The following DRC10 variants were observed in gnomAD, a reference collection of about 807,000 sequenced individuals.
DRC10 encodes the protein dynein regulatory complex subunit 10.
chr12:113,210,707 C>G, the DRC10 span, among the ~76,000 whole-genome samples: 1 of 150,922 alleles, frequency 6.6e-6, no homozygotes, highest in Non-Finnish European at 1.5e-5. Flanking sequence ...ATCCCCATCC[C>G]TCACCCTGAT....
chr12:113,201,085 G>C, the DRC10 span, among the ~76,000 whole-genome samples: 1 of 152,146 alleles, frequency 6.6e-6, no homozygotes, highest in Non-Finnish European at 1.5e-5. Context: ...ATTGCAGTGA[G>C]CGGAGATATC....
At chr12:113,211,864 A>C in the DRC10 span, among the ~76,000 whole-genome samples, 1 of 151,940 alleles carries the variant, frequency 6.6e-6, no homozygotes, top group Non-Finnish European at 1.5e-5. Context: ...CCAGGAGTTC[A>C]AGATCAGCAT....
chr12:113,205,758 G>A, the DRC10 span, among the ~76,000 whole-genome samples: 128 of 150,794 alleles, frequency 8.5e-4, 1 homozygote, highest in African/African-American at 2.9e-3. Flanking sequence ...GCGCGGTGGC[G>A]GGCGCCTGTA....
the DRC10 span, among the ~76,000 whole-genome samples, chr12:113,202,474 A>AC: frequency 6.6e-6 from 1 of 152,058 alleles, no homozygotes; most frequent in Non-Finnish European, 1.5e-5. Context: ...CAGCCTGGCT[A>AC]CCCCCATGTC....
chr12:113,200,957 G>T, the DRC10 span: 1 of 606,272 alleles, frequency 1.6e-6, no homozygotes, highest in East Asian at 2.8e-5. Flanking sequence ...TGGCTAACAT[G>T]ATGAAATCCC....
At chr12:113,216,118 C>T in the DRC10 span, among the ~76,000 whole-genome samples, 2 of 152,196 alleles carry the variant, frequency 1.3e-5, no homozygotes, top group African/African-American at 2.4e-5. Flanking sequence ...AATTTGGAAG[C>T]AACCAAGATG....
At chr12:113,200,287 G>A in the DRC10 span, 1 of 568,494 alleles carries the variant, frequency 1.8e-6, no homozygotes, top group Middle Eastern at 3.0e-4. Flanking sequence ...CTCAGGAGTT[G>A]AGGAACTTGC....
chr12:113,213,987 T>A, the DRC10 span, among the ~76,000 whole-genome samples: 4 of 152,030 alleles, frequency 2.6e-5, no homozygotes, highest in Admixed American at 2.6e-4. Flanking sequence ...GGTCTTGCTA[T>A]GTTGCCCAGG....
chr12:113,200,421 C>A, the DRC10 span: 1 of 731,752 alleles, frequency 1.4e-6, no homozygotes, highest in South Asian at 1.5e-5. Context: ...TGGGCCTTCC[C>A]TGCTCCTGTG....
At chr12:113,200,535 C>G in the DRC10 span, 2 of 1,249,010 alleles carry the variant, frequency 1.6e-6, no homozygotes, top group East Asian at 2.8e-5. Flanking sequence ...CCCATCCCCC[C>G]CACCAGGGGC....
the DRC10 span, among the ~76,000 whole-genome samples, chr12:113,205,018 G>C: frequency 4.6e-5 from 7 of 152,048 alleles, no homozygotes; most frequent in African/African-American, 1.7e-4. Context: ...TCATATCTTG[G>C]CTTCAATGTC....
chr12:113,196,146 T>TAAAAC, the DRC10 span, among the ~76,000 whole-genome samples: 1 of 152,166 alleles, frequency 6.6e-6, no homozygotes. Context: ...AGACTTAGTT[T>TAAAAC]TAAGTCCCAG....
the DRC10 span, among the ~76,000 whole-genome samples, chr12:113,205,618 G>A: frequency 1.3e-4 from 19 of 151,578 alleles, no homozygotes; most frequent in Non-Finnish European, 2.4e-4. Flanking sequence ...GGCCGGGCGC[G>A]GTGGCTCATG....
At chr12:113,197,703 G>A in the DRC10 span, 1 of 798,558 alleles carries the variant, frequency 1.3e-6, no homozygotes, top group Non-Finnish European at 2.1e-6. Context: ...TCTGGCAGGT[G>A]CTTGACATGC....
At chr12:113,207,794 C>T in the DRC10 span, 3 of 1,614,158 alleles carry the variant, frequency 1.9e-6, no homozygotes, top group Non-Finnish European at 2.5e-6. Flanking sequence ...CTGAGCCACC[C>T]TTCCTCCTCA....
chr12:113,199,423 A>C, the DRC10 span, among the ~76,000 whole-genome samples: 2 of 151,950 alleles, frequency 1.3e-5, no homozygotes, highest in African/African-American at 4.8e-5. Flanking sequence ...TAAATAAATA[A>C]ATAAACCCCC....
chr12:113,207,355 A>T, the DRC10 span: 1 of 1,181,294 alleles, frequency 8.5e-7, no homozygotes, highest in Non-Finnish European at 1.3e-6. Context: ...CTTAAAAAAA[A>T]AATCAATCAT....
At chr12:113,198,060 T>TA in the DRC10 span, among the ~76,000 whole-genome samples, 2 of 151,886 alleles carry the variant, frequency 1.3e-5, no homozygotes, top group Admixed American at 1.3e-4. Flanking sequence ...CTACTAAAGA[T>TA]ACAAAAATTA....
At chr12:113,200,851 A>G in the DRC10 span, 2 of 1,442,022 alleles carry the variant, frequency 1.4e-6, no homozygotes, top group African/African-American at 2.8e-5. Flanking sequence ...TAATACCTCC[A>G]TGCCCAGCCG....
Sources: gnomAD v4.1 joint callset for allele counts (sites outside exome capture counted in the v4.1 genomes callset) on GRCh38, gnomAD v4.1.1 for gene constraint, MANE v1.5 for transcripts, NCBI Gene and HGNC (gene_info 2026-07-23, HGNC 2026-07-21) for gene names.